The following AGMO variants were observed in gnomAD, a reference collection of about 807,000 sequenced individuals.
AGMO encodes the protein glyceryl-ether monooxygenase.
Under a neutral mutation model 60.2 loss-of-function variants are expected in AGMO, and 75 were observed. The ratio of observed to expected loss-of-function variants is 1.25; its 90% CI spans 1.03 to 1.51. AGMO has a LOEUF of 1.51. Ranked by LOEUF, AGMO falls within the 40% of genes most tolerant of loss-of-function variation. The probability of loss-of-function intolerance (pLI) is 0.00; values close to 1 mark genes in which losing one functional copy is unlikely to be tolerated. For synonymous variants in AGMO, 261 were observed against 177.1 expected (o/e 1.47, Z -3.76); for missense variants, 763 against 525.5 (o/e 1.45, Z -4.42).
At chr7:15,414,979 A>C (rs1412896192) in intron 5 of AGMO, among the ~76,000 whole-genome samples, 1 of 152,172 alleles carries the variant, frequency 6.6e-6, no homozygotes, top group East Asian at 1.9e-4. Flanking sequence ...CCATATGTAA[A>C]AGTTAATTCA....
rs140709255 is a variant in AGMO at position 15,237,071 on chromosome 7, T to C, written c.1264-35712A>G. Reference sequence around the variant, plus strand: ...GAATACCTTTTTAAAGTAAGCATTGTGAAATCAGTCTCAAATGTGCTTTGT... The same window carrying C: ...GAATACCTTTTTAAAGTAAGCATTGCGAAATCAGTCTCAAATGTGCTTTGT... On this transcript the variant is annotated intron_variant, in intron 12 of 12. Coordinates refer to ENST00000342526, the MANE Select transcript of AGMO (RefSeq NM_001004320.2). Among the ~76,000 whole-genome samples, 24 of 152,270 alleles carry C rather than the reference T, an allele frequency of 1.6e-4. No homozygotes were observed. The East Asian group carries it at 4.0e-3, about 26-fold the overall frequency.
the AGMO span, among the ~76,000 whole-genome samples, chr7:15,162,193 G>A: frequency 6.6e-6 from 1 of 152,062 alleles, no homozygotes; most frequent in African/African-American, 2.4e-5. Flanking sequence ...GTTTCCTGAT[G>A]CCTCCCCAGC....
intron 12 of AGMO, among the ~76,000 whole-genome samples, chr7:15,208,502 T>G (rs1583292740): frequency 6.6e-6 from 1 of 152,202 alleles, no homozygotes; most frequent in Non-Finnish European, 1.5e-5. Flanking sequence ...TGTTTTAGTT[T>G]TTATAAAGTT....
chr7:15,395,426 C>A (rs867184890), intron 5 of AGMO, among the ~76,000 whole-genome samples: 1 of 151,888 alleles, frequency 6.6e-6, no homozygotes. Context: ...ACATAAAAGA[C>A]ATTTTATAGG....
intron 12 of AGMO, among the ~76,000 whole-genome samples, chr7:15,248,222 A>ATATATATATATATT (rs1554401294): frequency 1.9e-5 from 2 of 104,210 alleles, no homozygotes; most frequent in Admixed American, 9.4e-5. Flanking sequence ...ATATATATAT[A>ATATATATATATATT]TATCTTCATC....
intron 12 of AGMO, among the ~76,000 whole-genome samples, chr7:15,239,812 C>T (rs1782536033): frequency 6.6e-6 from 1 of 152,022 alleles, no homozygotes; most frequent in Non-Finnish European, 1.5e-5. Context: ...ATATTTTGAA[C>T]ACACTTGAAC....
At chr7:15,229,164 C>A (rs557402978) in intron 12 of AGMO, among the ~76,000 whole-genome samples, 40 of 152,192 alleles carry the variant, frequency 2.6e-4, no homozygotes, top group African/African-American at 9.1e-4. Flanking sequence ...CCATTAGCTA[C>A]AATGTTGCCT....
At chr7:15,408,332 G>C (rs752189431) in intron 5 of AGMO, among the ~76,000 whole-genome samples, 4 of 151,822 alleles carry the variant, frequency 2.6e-5, no homozygotes, top group Non-Finnish European at 5.9e-5. Flanking sequence ...ATATTATTTG[G>C]GTTCTAAAAT....
At chr7:15,215,091 T>C (rs1781698245) in intron 12 of AGMO, among the ~76,000 whole-genome samples, 1 of 152,078 alleles carries the variant, frequency 6.6e-6, no homozygotes, top group Admixed American at 6.6e-5. Context: ...AGTAAGCTAA[T>C]TTTAAATCGA....
downstream of AGMO, among the ~76,000 whole-genome samples, chr7:15,196,816 A>T (rs532408541): frequency 7.9e-5 from 12 of 152,306 alleles, no homozygotes; most frequent in East Asian, 2.3e-3. Context: ...AGTTATTATG[A>T]TTCATGGATA....
intron 12 of AGMO, among the ~76,000 whole-genome samples, chr7:15,310,786 C>G (rs1033337694): frequency 3.3e-5 from 5 of 152,126 alleles, no homozygotes; most frequent in African/African-American, 1.2e-4. Flanking sequence ...ATGGGCCTCA[C>G]TGTTCGAAAA....
intron 12 of AGMO, among the ~76,000 whole-genome samples, chr7:15,226,895 C>T (rs1782100062): frequency 6.6e-6 from 1 of 151,862 alleles, no homozygotes; most frequent in African/African-American, 2.4e-5. Context: ...AAAGAAAATG[C>T]AAGAAATGTA....
intron 12 of AGMO, among the ~76,000 whole-genome samples, chr7:15,277,565 C>A (rs1437230479): frequency 2.0e-5 from 3 of 151,858 alleles, no homozygotes; most frequent in Non-Finnish European, 4.4e-5. Flanking sequence ...TTCTCCATCC[C>A]TTGATGGTGA....
chr7:15,223,508 A>C (rs982392892), intron 12 of AGMO, among the ~76,000 whole-genome samples: 5 of 152,032 alleles, frequency 3.3e-5, no homozygotes, highest in Admixed American at 3.3e-4. Flanking sequence ...TTTTAAAAAG[A>C]AAATGTAAAG....
chr7:15,267,769 A>G (rs547436992), intron 12 of AGMO, among the ~76,000 whole-genome samples: 1 of 152,096 alleles, frequency 6.6e-6, no homozygotes, highest in South Asian at 2.1e-4. Flanking sequence ...GAAGGGAAAA[A>G]CTTGTAACAA....
At chr7:15,246,009 G>T (rs1237535216) in intron 12 of AGMO, among the ~76,000 whole-genome samples, 7 of 151,766 alleles carry the variant, frequency 4.6e-5, no homozygotes, top group Admixed American at 2.6e-4. Context: ...GTCTTACCAT[G>T]GAAAATAAAA....
At chr7:15,353,699 A>G (rs1426881945) in intron 12 of AGMO, among the ~76,000 whole-genome samples, 1 of 152,232 alleles carries the variant, frequency 6.6e-6, no homozygotes, top group African/African-American at 2.4e-5. Flanking sequence ...TAGACATAAT[A>G]TTAAAATACA....
intron 12 of AGMO, among the ~76,000 whole-genome samples, chr7:15,258,592 C>G (rs952527523): frequency 1.3e-5 from 2 of 152,080 alleles, no homozygotes; most frequent in Non-Finnish European, 2.9e-5. Context: ...AAGAAAATTC[C>G]ACTTCCTGGC....
intron 3 of AGMO, among the ~76,000 whole-genome samples, chr7:15,487,754 C>T (rs1782959182): frequency 6.6e-6 from 1 of 151,720 alleles, no homozygotes; most frequent in Non-Finnish European, 1.5e-5. Flanking sequence ...GAAAAAAAAA[C>T]ACATAAAATG....
Sources: allele counts gnomAD v4.1 joint callset (sites outside exome capture counted in the v4.1 genomes callset), GRCh38; gene constraint gnomAD v4.1.1; transcripts MANE v1.5; gene names NCBI Gene and HGNC (gene_info 2026-07-23, HGNC 2026-07-21).